The following ITGA6 variants were observed in gnomAD, a reference collection of about 807,000 sequenced individuals.
The protein encoded by ITGA6 is integrin subunit alpha 6.
ITGA6 carries 63 observed loss-of-function variants against 133.6 expected under a neutral mutation model. The ratio of observed to expected loss-of-function variants is 0.47; its 90% confidence interval spans 0.38 to 0.58. ITGA6 has a LOEUF of 0.58. ITGA6 is among the 20% of genes least tolerant of loss of function. The pLI is 0.00. For synonymous variants in ITGA6, 434 were observed against 482.0 expected, an observed-to-expected ratio of 0.90 and a Z score of 1.30; for missense variants, 1,068 against 1,309.4, an observed-to-expected ratio of 0.82 and a Z score of 2.85.
At chr2:172,439,770 C>T (rs919704250) in intron 1 of ITGA6, among the ~76,000 whole-genome samples, 5 of 152,160 alleles carry the variant, frequency 3.3e-5, no homozygotes, top group African/African-American at 1.2e-4. Context: ...AGTCAAGTGA[C>T]AGCTAGTCAG....
intron 1 of ITGA6, among the ~76,000 whole-genome samples, chr2:172,444,691 C>T (rs1196122438): frequency 6.9e-6 from 1 of 144,580 alleles, no homozygotes; most frequent in African/African-American, 2.6e-5. Flanking sequence ...GCCCCAAACC[C>T]CCCTGAGTTT....
At chr2:172,492,353 A>G (rs560390813) in intron 23 of ITGA6, among the ~76,000 whole-genome samples, 1 of 152,342 alleles carries the variant, frequency 6.6e-6, no homozygotes, top group South Asian at 2.1e-4. Context: ...TTTGTTGTCA[A>G]GCTGTGTTTC....
At position 172,505,233 on chromosome 2, in the gene ITGA6, T is replaced by C. The variant is rs1221790595; in HGVS notation, c.*1165T>C. The stretch of plus-strand genomic sequence containing the variant: ...GCCTGCATAATGTTTCTGGATTTCA[T>C]ACTGTAACATTCAGGAATTCTTGGA... On this transcript the variant is annotated 3_prime_UTR_variant, in exon 26 of 26. Transcript: ENST00000684293. 1 of 152,444 alleles carries C rather than the reference T, an allele frequency of 6.6e-6. No individual in the cohort carries two copies. The highest frequency in any genetic ancestry group is 1.9e-4 in the East Asian group (1 of 5,202). 9.4% of individuals were successfully genotyped at this position (152,444 alleles called of 1,614,324 possible).
intron 25 of ITGA6, chr2:172,503,630 T>G (rs16860634): frequency 0.051 from 7,755 of 152,468 alleles, 358 homozygotes; most frequent in East Asian, 0.26. Context: ...CACTGGCATA[T>G]TCAAATAGTA....
At chr2:172,456,848 CTCTTA>C (rs763906525) in intron 1 of ITGA6, among the ~76,000 whole-genome samples, 4 of 152,206 alleles carry the variant, frequency 2.6e-5, no homozygotes, top group Non-Finnish European at 4.4e-5. Context: ...CAAAATTGTT[CTCTTA>C]TGAGAGCTGC....
chr2:172,437,269 A>T lies in ITGA6; in HGVS notation c.182+9299A>T, dbSNP rs1380634209. Among the ~76,000 whole-genome samples, 5 of 152,250 alleles carry T rather than the reference A, an allele frequency of 3.3e-5. No individual in the cohort carries two copies. The South Asian group carries it at 1.0e-3, about 31-fold the overall frequency. ...TGCAGCCTTGAGAGTAGACTGTATG[A>T]GGACAAAGATAGAAGTAATGATACT... On this transcript the variant is annotated intron_variant, in intron 1 of 25. Coordinates refer to ENST00000684293, the MANE Select transcript of ITGA6 (RefSeq NM_000210.4).
chr2:172,485,320 A>T (rs915857025), intron 13 of ITGA6, 56 bp downstream of exon 13: 5 of 1,468,378 alleles, frequency 3.4e-6, no homozygotes, highest in Non-Finnish European at 4.8e-6. Context: ...ATGATGCTAA[A>T]TCAAATGTCT....
At chr2:172,429,509 C>A (rs1220527553) in intron 1 of ITGA6, among the ~76,000 whole-genome samples, 1 of 152,184 alleles carries the variant, frequency 6.6e-6, no homozygotes, top group Non-Finnish European at 1.5e-5. Flanking sequence ...CCTTGAAATA[C>A]TTGTTCAAGC....
At chr2:172,444,202 T>C (rs1684657546) in intron 1 of ITGA6, among the ~76,000 whole-genome samples, 1 of 152,184 alleles carries the variant, frequency 6.6e-6, no homozygotes, top group South Asian at 2.1e-4. Flanking sequence ...TCTTGTAACT[T>C]CCTTGATATC....
intron 3 of ITGA6, 25 bp from the exon 4 acceptor site, chr2:172,469,100 G>C (rs1160457027): frequency 1.2e-6 from 2 of 1,613,634 alleles, no homozygotes; most frequent in East Asian, 4.5e-5. Flanking sequence ...ACAAGAATGG[G>C]CTACTTTCTT....
intron 3 of ITGA6, 42 bp from the exon 4 acceptor site, chr2:172,469,083 T>G (rs1685803389): frequency 1.2e-6 from 2 of 1,611,906 alleles, no homozygotes; most frequent in Non-Finnish European, 1.7e-6. Flanking sequence ...AAAAACAAGG[T>G]TTATAGACAA....
intron 1 of ITGA6, among the ~76,000 whole-genome samples, chr2:172,445,229 C>A (rs1340694268): frequency 6.6e-6 from 1 of 151,470 alleles, no homozygotes; most frequent in African/African-American, 2.4e-5. Flanking sequence ...GCCTCCCAAA[C>A]TGCTGAGATT....
intron 20 of ITGA6, chr2:172,489,865 C>T (rs773114950): frequency 3.8e-6 from 2 of 533,056 alleles, no homozygotes; most frequent in Non-Finnish European, 6.7e-6. Context: ...GTACATAAGG[C>T]AGAGTCATTC....
rs1441093238 is a variant in ITGA6, at chr2:172,469,159, T to C, written c.422T>C (p.Val141Ala). 1.2e-6 allele frequency: 2 copies of C among 1,614,074 alleles called. No homozygotes were observed. The highest frequency in any genetic ancestry group is 1.7e-6 in the Non-Finnish European group (2 of 1,180,022). The stretch of plus-strand genomic sequence containing the variant: ...CACCGATATGAAAAAAGGCAGCATG[T>C]TAATACGAAGCAGGAATCCCGAGAC... ...CAHRYEKRQH[V>A]NTKQESRDIF... is the part of the protein sequence containing the mutation. Residue 141 changes from valine (V) to alanine (A), a missense_variant, in exon 4 of 26, where the codon GTT becomes GCT. Physicochemically the swap from Val to Ala is moderately conservative, Grantham distance 64. This residue lies in a region of ITGA6 where 317 missense variants were observed against 456.9 expected (regional missense o/e 0.69). Coordinates refer to ENST00000684293, the MANE Select transcript of ITGA6 (RefSeq NM_000210.4).
At chr2:172,471,516 TAA>T (rs946755760) in intron 5 of ITGA6, among the ~76,000 whole-genome samples, 1 of 152,192 alleles carries the variant, frequency 6.6e-6, no homozygotes, top group Non-Finnish European at 1.5e-5. Context: ...CTGCATTTAA[TAA>T]AGTTACTCTT....
chr2:172,486,400 C>A (rs1479880654), intron 13 of ITGA6, among the ~76,000 whole-genome samples: 1 of 151,950 alleles, frequency 6.6e-6, no homozygotes. Context: ...GTTAATATTA[C>A]TTGTGTACAT....
At chr2:172,489,106 T>G (rs10167416) in intron 19 of ITGA6, among the ~76,000 whole-genome samples, 4,675 of 152,266 alleles carry the variant, frequency 0.031, 229 homozygotes, top group African/African-American at 0.11. Context: ...AGCAGGTTGT[T>G]GGTACACTGC....
intron 14 of ITGA6, 40 bp from the exon 15 acceptor site, chr2:172,487,224 G>C: frequency 6.4e-7 from 1 of 1,569,582 alleles, no homozygotes; most frequent in Admixed American, 1.7e-5. Context: ...AACGTATTGA[G>C]GACTTTGCCT....
chr2:172,435,632 TTTTTTTTTG>T (rs1289228656), intron 1 of ITGA6, among the ~76,000 whole-genome samples: 1 of 137,192 alleles, frequency 7.3e-6, no homozygotes, highest in African/African-American at 2.7e-5. Flanking sequence ...TTTTTTTTTT[TTTTTTTTTG>T]TTGAGACAGA....
Sources: gnomAD v4.1 joint callset for allele counts (sites outside exome capture counted in the v4.1 genomes callset) on GRCh38, gnomAD v4.1.1 for gene constraint, gnomAD v4.1.1 regional missense constraint, MANE v1.5 for transcripts, NCBI Gene and HGNC (gene_info 2026-07-23, HGNC 2026-07-21) for gene names.